The following CDH20 variants were observed in gnomAD, a reference collection of about 807,000 sequenced individuals.
CDH20 encodes cadherin-20.
In CDH20, 29 loss-of-function variants were observed where a neutral mutation model predicts 74.2. The ratio of observed to expected loss-of-function variants is 0.39; its 90% CI spans 0.29 to 0.53. The LOEUF is 0.53. Among genes scored for constraint, CDH20 ranks in the 20% least tolerant of loss-of-function variants. The pLI is 0.69. For missense variants in CDH20, 988 were observed against 1,048.3 expected, an observed-to-expected ratio of 0.94 and a Z score of 0.79; for synonymous variants, 469 against 405.4, an observed-to-expected ratio of 1.16 and a Z score of -1.88.
chr18:61,544,755 G>A (rs1177966915), intron 9 of CDH20, among the ~76,000 whole-genome samples: 1 of 152,016 alleles, frequency 6.6e-6, no homozygotes, highest in East Asian at 1.9e-4. Context: ...GGGCGTGGTG[G>A]GCCAGAGTGG....
At chr18:61,437,210 A>G (rs188761568) in intron 1 of CDH20, among the ~76,000 whole-genome samples, 3 of 152,306 alleles carry the variant, frequency 2.0e-5, no homozygotes, top group East Asian at 3.9e-4. Flanking sequence ...CAAAACATAA[A>G]TGGCAGATGT....
chr18:61,554,237 T>A lies in CDH20; in HGVS notation c.1948T>A (p.Tyr650Asn). The A allele has an allele frequency of 1.2e-6, 2 of 1,613,880 alleles. No individual in the cohort carries two copies. Among genetic ancestry groups the A allele is most frequent in the Non-Finnish European group, 8.5e-7 (1 of 1,179,944 alleles). The change falls in exon 12 of 12, where the codon TAC (tyrosine) becomes AAC (asparagine). Residue 650 changes from tyrosine to asparagine, a missense_variant. By Grantham distance (143) the Tyr-to-Asn change is moderately radical (BLOSUM62 -2). Around this residue, in one of 2 missense-constraint regions of CDH20, gnomAD observed 375 missense variants for 293.1 expected, o/e 1.28. Transcript: ENST00000262717. Reference sequence around the variant, plus strand: ...CATGAGGCGGCACCGGAAACAACCATACATCATCGACGACGAGGAAAACAT... The same window carrying A: ...CATGAGGCGGCACCGGAAACAACCAAACATCATCGACGACGAGGAAAACAT... ...LSMRRHRKQP[Y>N]IIDDEENIHE...
At chr18:61,374,554 T>A (rs946460624) in intron 1 of CDH20, among the ~76,000 whole-genome samples, 1 of 152,190 alleles carries the variant, frequency 6.6e-6, no homozygotes, top group Non-Finnish European at 1.5e-5. Flanking sequence ...TGTTTGTTTT[T>A]CAAAACATTA....
intron 1 of CDH20, among the ~76,000 whole-genome samples, chr18:61,431,800 T>G (rs1043346316): frequency 6.6e-6 from 1 of 152,170 alleles, no homozygotes; most frequent in Non-Finnish European, 1.5e-5. Context: ...ATCTACATCC[T>G]TTATCTGGTT....
chr18:61,450,359 G>C (rs918661162), intron 1 of CDH20, among the ~76,000 whole-genome samples: 45 of 143,342 alleles, frequency 3.1e-4, no homozygotes, highest in African/African-American at 1.0e-3. Context: ...ACAGCCAGAG[G>C]AAAATGAAGA....
intron 1 of CDH20, among the ~76,000 whole-genome samples, chr18:61,408,697 A>G (rs1172232905): frequency 2.0e-5 from 3 of 152,184 alleles, no homozygotes; most frequent in Non-Finnish European, 2.9e-5. Context: ...ATTACTTTAG[A>G]CAGCAAACTA....
At chr18:61,423,964 C>T (rs1201396564) in intron 1 of CDH20, among the ~76,000 whole-genome samples, 2 of 152,144 alleles carry the variant, frequency 1.3e-5, no homozygotes, top group African/African-American at 4.8e-5. Flanking sequence ...TTCCCTCATT[C>T]TCTGGCAAGT....
intron 10 of CDH20, among the ~76,000 whole-genome samples, chr18:61,545,377 GT>G (rs1913210142): frequency 6.6e-6 from 1 of 151,604 alleles, no homozygotes; most frequent in South Asian, 2.1e-4. Context: ...CAAAGTGCTA[GT>G]ATTACAGACA....
At chr18:61,446,774 T>C (rs1170878159) in intron 1 of CDH20, among the ~76,000 whole-genome samples, 2 of 152,238 alleles carry the variant, frequency 1.3e-5, no homozygotes, top group Middle Eastern at 3.2e-3. Flanking sequence ...TATCCTTGGA[T>C]AGGTTTGTCC....
At chr18:61,514,140 T>C (rs926093369) in intron 6 of CDH20, among the ~76,000 whole-genome samples, 7 of 152,106 alleles carry the variant, frequency 4.6e-5, no homozygotes, top group African/African-American at 1.7e-4. Flanking sequence ...GGTACACCAA[T>C]CAGACGTAGA....
intron 7 of CDH20, among the ~76,000 whole-genome samples, chr18:61,533,078 T>A (rs764582202): frequency 2.6e-5 from 4 of 152,142 alleles, no homozygotes; most frequent in South Asian, 2.1e-4. Context: ...GGTAGGAGTT[T>A]GAGGAGTTTG....
Position 61,499,423 on chromosome 18 carries a change from G to C in CDH20, c.484G>C (p.Glu162Gln). 6.2e-7 allele frequency: 1 copy of C among 1,614,050 alleles called. No individual in the cohort carries two copies. Among genetic ancestry groups the C allele is most frequent in the Non-Finnish European group, 8.5e-7 (1 of 1,180,014 alleles). ...IIKIQDINDN[E>Q]PKFLDGPYVA... ...CAAAATTCAAGACATCAATGACAAT[G>C]AGCCCAAGTTCCTGGACGGACCTTA... is the stretch of plus-strand genomic sequence containing the variant. The change falls in exon 3 of 12, where the codon GAG (glutamate) becomes CAG (glutamine). Residue 162 changes from glutamate to glutamine, a missense_variant. Glu to Gln is a conservative substitution (Grantham distance 29, BLOSUM62 2). Transcript: ENST00000262717.
chr18:61,538,604 T>TTTG (rs1912902376), intron 8 of CDH20, among the ~76,000 whole-genome samples: 2 of 43,470 alleles, frequency 4.6e-5, no homozygotes, highest in Admixed American at 3.3e-4. Flanking sequence ...TTGTTTTTGT[T>TTTG]TTTGTTTTTG....
intron 1 of CDH20, among the ~76,000 whole-genome samples, chr18:61,424,728 T>C (rs1216124628): frequency 6.6e-6 from 1 of 152,208 alleles, no homozygotes; most frequent in African/African-American, 2.4e-5. Context: ...GGGATAATAT[T>C]GGAATCCAAC....
intron 1 of CDH20, among the ~76,000 whole-genome samples, chr18:61,342,231 A>T (rs1418023010): frequency 1.3e-5 from 2 of 152,214 alleles, no homozygotes; most frequent in Non-Finnish European, 2.9e-5. Context: ...CAGAGGAAAA[A>T]TTGACAGAGC....
chr18:61,458,458 A>G (rs543937749), intron 1 of CDH20, among the ~76,000 whole-genome samples: 1 of 152,308 alleles, frequency 6.6e-6, no homozygotes, highest in African/African-American at 2.4e-5. Context: ...TTCCCACACG[A>G]GACCACCACA....
chr18:61,541,958 A>G (rs927012653), intron 9 of CDH20, among the ~76,000 whole-genome samples: 1 of 145,190 alleles, frequency 6.9e-6, no homozygotes, highest in Non-Finnish European at 1.6e-5. Context: ...TGCGCTCCCA[A>G]CCCAGACTTA....
intron 1 of CDH20, among the ~76,000 whole-genome samples, chr18:61,458,203 C>T (rs2144352694): frequency 6.6e-6 from 1 of 152,214 alleles, no homozygotes; most frequent in East Asian, 1.9e-4. Context: ...TCTTATTTTA[C>T]TGTAAGTGAT....
chr18:61,523,333 C>T (rs954650886), intron 6 of CDH20, among the ~76,000 whole-genome samples: 8 of 152,126 alleles, frequency 5.3e-5, no homozygotes, highest in Non-Finnish European at 1.2e-4. Context: ...CATCACTGGT[C>T]ATTAGAGAAA....
Sources: allele counts gnomAD v4.1 joint callset (sites outside exome capture counted in the v4.1 genomes callset), GRCh38; gene constraint gnomAD v4.1.1; regional missense constraint gnomAD v4.1.1; transcripts MANE v1.5; gene names NCBI Gene and HGNC (gene_info 2026-07-23, HGNC 2026-07-21).